DDO: variants seen among roughly 807,000 people sequenced by gnomAD.
DDO encodes D-aspartate oxidase, DDO.
Under a neutral mutation model 16.8 loss-of-function variants are expected in DDO, and 16 were observed. The ratio of observed to expected loss-of-function variants is 0.95; its 90% CI spans 0.65 to 1.45. The LOEUF (loss-of-function observed/expected upper bound fraction) is 1.45. Among genes scored for constraint, DDO ranks in the 40% most tolerant of loss-of-function variants. DDO has a pLI of 0.00. For synonymous variants in DDO, 180 were observed against 167.2 expected (o/e 1.08, Z -0.59); for missense variants, 429 against 420.3 (o/e 1.02, Z -0.18).
chr6:110,395,049 T>A (rs11153232), intron 4 of DDO, among the ~76,000 whole-genome samples: 1 of 151,992 alleles, frequency 6.6e-6, no homozygotes, highest in East Asian at 1.9e-4. Context: ...TTGGACCTGC[T>A]ATGGTTAATT....
chr6:110,414,450 C>T (rs769002335), intron 1 of DDO, among the ~76,000 whole-genome samples: 1 of 152,236 alleles, frequency 6.6e-6, no homozygotes, highest in Non-Finnish European at 1.5e-5. Context: ...GAGGCGGTCT[C>T]ATAAAGGGGG....
chr6:110,393,914 G>T (rs1773202556), intron 4 of DDO, among the ~76,000 whole-genome samples: 1 of 151,984 alleles, frequency 6.6e-6, no homozygotes, highest in Non-Finnish European at 1.5e-5. Flanking sequence ...ATATTTTTTG[G>T]ACCAACTATA....
At chr6:110,402,062 G>T (rs1312423657) in intron 4 of DDO, among the ~76,000 whole-genome samples, 1 of 152,134 alleles carries the variant, frequency 6.6e-6, no homozygotes, top group Non-Finnish European at 1.5e-5. Flanking sequence ...CCAACTGAGG[G>T]ACATTCTATT....
intron 2 of DDO, among the ~76,000 whole-genome samples, chr6:110,410,817 G>C (rs897893882): frequency 2.0e-5 from 3 of 152,078 alleles, no homozygotes; most frequent in African/African-American, 7.2e-5. Context: ...ATATCAGCTG[G>C]CATCTGGTGG....
At chr6:110,395,393 T>C (rs1032275206) in intron 4 of DDO, among the ~76,000 whole-genome samples, 13 of 151,442 alleles carry the variant, frequency 8.6e-5, no homozygotes, top group Admixed American at 1.3e-4. Flanking sequence ...GCTACACCAT[T>C]GGCTCTCCTG....
chr6:110,393,670 T>A (rs1039475472), intron 4 of DDO, among the ~76,000 whole-genome samples: 1 of 152,258 alleles, frequency 6.6e-6, no homozygotes. Flanking sequence ...GTATTTTAAA[T>A]GTCCAAGCAT....
rs576241647 is a variant in DDO at position 110,392,559 on chromosome 6, A to G, written c.*216T>C. The G allele has an allele frequency of 8.2e-7, 1 of 1,224,804 alleles. No homozygotes were observed. Among genetic ancestry groups the G allele is most frequent in the Non-Finnish European group, 1.0e-6 (1 of 983,738 alleles). The allele number at this position is 1,224,804 out of a possible 1,614,324, so 75.9% of individuals were successfully genotyped here. On this transcript the variant is annotated 3_prime_UTR_variant, in exon 5 of 5. Coordinates refer to ENST00000368924, the MANE Select transcript of DDO (RefSeq NM_001372108.2). ...CTCTAAAAAATGTTACCCAGATTGCACTCAAACTCCTGGGCTCAACAATCC... is the reference window on the plus strand; with the variant it reads ...CTCTAAAAAATGTTACCCAGATTGCGCTCAAACTCCTGGGCTCAACAATCC...
At chr6:110,388,638 A>G (rs1773053594), downstream of DDO, among the ~76,000 whole-genome samples, 1 of 152,112 alleles carries the variant, frequency 6.6e-6, no homozygotes, top group South Asian at 2.1e-4. Flanking sequence ...TAAAAAAAAA[A>G]TCCTAAAACT....
chr6:110,415,078 T>C (rs1156669033), intron 1 of DDO, among the ~76,000 whole-genome samples: 1 of 152,234 alleles, frequency 6.6e-6, no homozygotes, highest in Non-Finnish European at 1.5e-5. Context: ...ATTTGATTGC[T>C]GTACAGTGGG....
Position 110,404,738 on chromosome 6 carries a change from A to G in DDO, c.458+36T>C, listed in dbSNP as rs558620589. On this transcript the variant is annotated intron_variant, in intron 4 of 4. Coordinates refer to ENST00000368924, the MANE Select transcript of DDO (RefSeq NM_001372108.2). ...AGCTACGAAGTGATTTATGGCTATGACAGATAAGGAAATATCAGGGAGCAT... is the reference window on the plus strand; with the variant it reads ...AGCTACGAAGTGATTTATGGCTATGGCAGATAAGGAAATATCAGGGAGCAT... The G allele has an allele frequency of 1.9e-6, 3 of 1,606,354 alleles. No individual in the cohort carries two copies. In the East Asian group the frequency reaches 6.7e-5, roughly 36 times the overall value.
chr6:110,388,958 T>C (rs913135517), downstream of DDO: 4 of 308,092 alleles, frequency 1.3e-5, no homozygotes, highest in Admixed American at 1.3e-4. Context: ...TAAGCTGTGA[T>C]GGTTAATTTT....
intron 2 of DDO, among the ~76,000 whole-genome samples, 173 bp downstream of exon 2, chr6:110,413,118 G>T (rs958450822): frequency 6.6e-6 from 1 of 152,120 alleles, no homozygotes; most frequent in African/African-American, 2.4e-5. Context: ...ACTTTAGCCT[G>T]GGTGACAGAG....
chr6:110,411,638 TAGAG>T (rs2114841825), intron 2 of DDO, among the ~76,000 whole-genome samples: 1 of 151,526 alleles, frequency 6.6e-6, no homozygotes, highest in East Asian at 1.9e-4. Flanking sequence ...GAAAGTAAAA[TAGAG>T]AGAGATAAAT....
At chr6:110,414,360 C>T (rs1773971174) in intron 1 of DDO, among the ~76,000 whole-genome samples, 1 of 152,258 alleles carries the variant, frequency 6.6e-6, no homozygotes, top group African/African-American at 2.4e-5. Context: ...TCCGTGGTCT[C>T]CTAGCCTCCA....
At chr6:110,409,218 G>A (rs1773766328) in intron 2 of DDO, among the ~76,000 whole-genome samples, 1 of 152,258 alleles carries the variant, frequency 6.6e-6, no homozygotes, top group African/African-American at 2.4e-5. Flanking sequence ...ACAAGAGGCA[G>A]CGTTTAAGCC....
At chr6:110,407,024 C>A (rs1773679595) in intron 3 of DDO, among the ~76,000 whole-genome samples, 1 of 152,162 alleles carries the variant, frequency 6.6e-6, no homozygotes, top group African/African-American at 2.4e-5. Flanking sequence ...TAAGCATATG[C>A]CAAGTGGTAT....
rs142254825 is a variant in DDO at position 110,402,467 on chromosome 6, C to T, written c.458+2307G>A. Reference sequence around the variant, plus strand: ...ATCACCTGAGGTCAGGAGTTCGAGACCAGCCTGGCCATCATGGTGAAACCC... The same window carrying T: ...ATCACCTGAGGTCAGGAGTTCGAGATCAGCCTGGCCATCATGGTGAAACCC... On this transcript the variant is annotated intron_variant, in intron 4 of 4. Coordinates refer to ENST00000368924, the MANE Select transcript of DDO (RefSeq NM_001372108.2). Among the ~76,000 whole-genome samples, 423 of 152,194 alleles carry T rather than the reference C, an allele frequency of 2.8e-3. 2 individuals carry two copies. The highest frequency in any genetic ancestry group is 9.4e-3 in the African/African-American group (392 of 41,498).
At chr6:110,397,901 G>A (rs1373953934) in intron 4 of DDO, among the ~76,000 whole-genome samples, 1 of 152,220 alleles carries the variant, frequency 6.6e-6, no homozygotes, top group Non-Finnish European at 1.5e-5. Flanking sequence ...TGGCACCAGT[G>A]CATAGGAGGA....
In DDO at chr6:110,392,365, A is replaced by G; in HGVS notation, c.*410T>C. On this transcript the variant is annotated 3_prime_UTR_variant, in exon 5 of 5. Transcript: ENST00000368924. ...GCTTCCAACATTCATATAAATCTGCATAGGTCCTTGGACATCAGTTCTAAA... is the reference window on the plus strand; with the variant it reads ...GCTTCCAACATTCATATAAATCTGCGTAGGTCCTTGGACATCAGTTCTAAA... 1.0e-6 allele frequency: 1 copy of G among 988,878 alleles called. No individual in the cohort carries two copies. Among genetic ancestry groups the G allele is most frequent in the African/African-American group, 1.7e-5 (1 of 57,550 alleles). 61.3% of individuals were successfully genotyped at this position (988,878 alleles called of 1,614,324 possible). A position where few individuals can be genotyped will look rare whatever the true frequency, so the allele number is the denominator to read the frequency against.
Sources: gnomAD v4.1 joint callset for allele counts (sites outside exome capture counted in the v4.1 genomes callset) on GRCh38, gnomAD v4.1.1 for gene constraint, MANE v1.5 for transcripts, NCBI Gene and HGNC (gene_info 2026-07-23, HGNC 2026-07-21) for gene names.